TMEM269: variants seen among roughly 807,000 people sequenced by gnomAD.
TMEM269 encodes the protein transmembrane protein 269.
In TMEM269, 12 loss-of-function variants were observed where a neutral mutation model predicts 15.8. That is an observed-to-expected ratio of 0.76 (90% confidence interval 0.49 to 1.23). The LOEUF is 1.23. TMEM269 is among the 50% of genes most tolerant of loss of function. The probability of loss-of-function intolerance (pLI) is 0.00; values close to 1 mark genes in which losing one functional copy is unlikely to be tolerated. For missense variants in TMEM269, 211 were observed against 245.4 expected (o/e 0.86, Z 0.94); for synonymous variants, 93 against 99.3 (o/e 0.94, Z 0.38).
At chr1:42,789,511 CT>C (rs1479157598) in intron 1 of TMEM269, 1 of 1,534,580 alleles carries the variant, frequency 6.5e-7, no homozygotes, top group African/African-American at 1.4e-5. Flanking sequence ...GGAGGGATGT[CT>C]GTGCTGTGGG....
At chr1:42,785,908 C>G (rs376072975) in intron 1 of TMEM269, among the ~76,000 whole-genome samples, 9 of 152,344 alleles carry the variant, frequency 5.9e-5, no homozygotes, top group African/African-American at 2.2e-4. Context: ...TACACTTGTC[C>G]CTACACACAG....
rs776764951 is a variant in TMEM269, at chr1:42,798,265, G to A, written c.*40G>A. 18 of 1,539,550 alleles carry A rather than the reference G, an allele frequency of 1.2e-5. No individual in the cohort carries two copies. The African/African-American group carries it at 2.2e-4, about 19-fold the overall frequency. The stretch of plus-strand genomic sequence containing the variant: ...TCTACCAGCTCCTGCCGGCCTCTGT[G>A]GGGTTTGTGTCAGCATATTGGGTCA... On this transcript the variant is annotated 3_prime_UTR_variant, in exon 6 of 6. Coordinates refer to ENST00000637012, the MANE Select transcript of TMEM269 (RefSeq NM_001354602.2).
intron 5 of TMEM269, among the ~76,000 whole-genome samples, chr1:42,796,347 C>T (rs528868422): frequency 1.3e-5 from 2 of 152,218 alleles, no homozygotes; most frequent in East Asian, 3.9e-4. Flanking sequence ...GAGGAAACTG[C>T]ACCTTACAGA....
intron 4 of TMEM269, 70 bp downstream of exon 4, chr1:42,793,814 G>C (rs932367505): frequency 6.7e-6 from 10 of 1,484,326 alleles, no homozygotes; most frequent in Non-Finnish European, 9.0e-6. Context: ...TCGGGTGCCA[G>C]AAGCCTGGGG....
Position 42,794,460 on chromosome 1 carries a change from A to C in TMEM269, c.331A>C (p.Ile111Leu). Reference protein sequence around the residue: ...KGLPCPYASCILASTSLLTKG... With the variant: ...KGLPCPYASCLLASTSLLTKG... ...TCTACCCTGCCCCTATGCTTCCTGC[A>C]TCTTGGCTTCCACCTCCCTTCTGAC... Residue 111 changes from isoleucine (I) to leucine (L), a missense_variant, in exon 5 of 6, where the codon ATC becomes CTC. Transcript: ENST00000637012. The C allele has an allele frequency of 6.4e-7, 1 of 1,550,628 alleles. No homozygotes were observed. Among genetic ancestry groups the C allele is most frequent in the Non-Finnish European group, 8.7e-7 (1 of 1,147,008 alleles).
In TMEM269 at chr1:42,792,686, T is replaced by C. The variant is rs912455909; in HGVS notation, c.42-119T>C. On this transcript the variant is annotated intron_variant, in intron 2 of 5. Transcript: ENST00000637012. Reference sequence around the variant, plus strand: ...GAAGAGGTGTGTATGTGTGCAAGTGTGGGAGGTGTGTGGGAAGTATATTAG... The same window carrying C: ...GAAGAGGTGTGTATGTGTGCAAGTGCGGGAGGTGTGTGGGAAGTATATTAG... 7.4e-6 allele frequency: 5 copies of C among 675,958 alleles called. No homozygotes were observed. In the African/African-American group the frequency reaches 8.8e-5, roughly 12 times the overall value. The allele number at this position is 675,958 out of a possible 1,614,324, so 41.9% of individuals were successfully genotyped here.
At position 42,797,156 on chromosome 1, in the gene TMEM269, G is replaced by A. The variant is rs568746869; in HGVS notation, c.485-942G>A. 5.3e-5 allele frequency among the ~76,000 whole-genome samples: 8 copies of A among 152,214 alleles called. No homozygotes were observed. Among genetic ancestry groups the A allele is most frequent in the Non-Finnish European group, 7.4e-5 (5 of 68,018 alleles). On this transcript the variant is annotated intron_variant, in intron 5 of 5. Coordinates refer to ENST00000637012, the MANE Select transcript of TMEM269 (RefSeq NM_001354602.2). This position sits in a 1 kb window ranked among gnomAD's most constrained non-coding sequence, Gnocchi z 4.9. The stretch of plus-strand genomic sequence containing the variant: ...GAGTGCTCTTTTGCCTTTTGGTGGC[G>A]AATCTGAGATGCAAATTGTGTTGGG...
intron 3 of TMEM269, 127 bp downstream of exon 3, chr1:42,793,029 GAGC>G (rs746071943): frequency 3.5e-4 from 258 of 745,796 alleles, no homozygotes; most frequent in South Asian, 3.8e-4. Flanking sequence ...ACCCCGCTGA[GAGC>G]AGCAGCAGCA....
rs1173982535 is a variant in TMEM269, at chr1:42,797,493, C to G, written c.485-605C>G. 6.6e-6 allele frequency among the ~76,000 whole-genome samples: 1 copy of G among 152,270 alleles called. No individual in the cohort carries two copies. Among genetic ancestry groups the G allele is most frequent in the African/African-American group, 2.4e-5 (1 of 41,550 alleles). On this transcript the variant is annotated intron_variant, in intron 5 of 5. Coordinates refer to ENST00000637012, the MANE Select transcript of TMEM269 (RefSeq NM_001354602.2). The surrounding 1 kb of genome is among the most constrained non-coding windows in gnomAD (Gnocchi z 4.9). Reference sequence around the variant, plus strand: ...GTCAGCACCCTGTGCCTACCATGTACCAAAATTCCAGATTCCCAGAAGGAA... The same window carrying G: ...GTCAGCACCCTGTGCCTACCATGTAGCAAAATTCCAGATTCCCAGAAGGAA...
In TMEM269 at chr1:42,789,856, C is replaced by T. The variant is rs1364206529; in HGVS notation, c.-38C>T. The T allele has an allele frequency of 5.2e-6, 8 of 1,550,886 alleles. No homozygotes were observed. In the East Asian group the frequency reaches 2.0e-4, roughly 38 times the overall value. ...AGCCATTCCCAGATAAATGAGGTTT[C>T]CTGGAAGGATGTTACCAGTGCCTTA... On this transcript the variant is annotated 5_prime_UTR_variant, in exon 2 of 6. Coordinates refer to ENST00000637012, the MANE Select transcript of TMEM269 (RefSeq NM_001354602.2).
At chr1:42,794,815 A>G (rs1397779872) in intron 5 of TMEM269, among the ~76,000 whole-genome samples, 1 of 152,206 alleles carries the variant, frequency 6.6e-6, no homozygotes, top group African/African-American at 2.4e-5. Flanking sequence ...TATTCATGCT[A>G]TTAATATAAT....
intron 1 of TMEM269, among the ~76,000 whole-genome samples, chr1:42,789,047 TG>T (rs2124211862): frequency 6.6e-6 from 1 of 151,856 alleles, no homozygotes; most frequent in Non-Finnish European, 1.5e-5. Flanking sequence ...CTCAGCCTCC[TG>T]AGTAGCTGGG....
intron 2 of TMEM269, among the ~76,000 whole-genome samples, chr1:42,792,382 C>T (rs1227607154): frequency 1.3e-5 from 2 of 152,142 alleles, no homozygotes; most frequent in African/African-American, 4.8e-5. Flanking sequence ...GCACACACTC[C>T]TCATTTTACA....
At chr1:42,790,046 C>A in intron 2 of TMEM269, 112 bp downstream of exon 2, 2 of 789,886 alleles carry the variant, frequency 2.5e-6, no homozygotes. Context: ...CACAGTGTAC[C>A]CAGGGTAAGT....
At chr1:42,789,292 T>C (rs1232291610) in intron 1 of TMEM269, 1 of 665,860 alleles carries the variant, frequency 1.5e-6, no homozygotes, top group African/African-American at 1.8e-5. Context: ...CTGGGGCCTG[T>C]CAGAACCAGG....
chr1:42,789,726 A>C (rs898036762), intron 1 of TMEM269, 70 bp from the exon 2 acceptor site: 25 of 903,642 alleles, frequency 2.8e-5, no homozygotes, highest in Non-Finnish European at 3.7e-5. Flanking sequence ...CTAGTGGAAC[A>C]GGTCCCTGGG....
Position 42,789,817 on chromosome 1 carries a change from TGAGCCATGACCA to T in TMEM269, c.-69_-58del. 1 of 1,545,574 alleles carries T rather than the reference TGAGCCATGACCA, an allele frequency of 6.5e-7. No individual in the cohort carries two copies. Among genetic ancestry groups the T allele is most frequent in the African/African-American group, 1.4e-5 (1 of 73,070 alleles). On this transcript the variant is annotated 5_prime_UTR_variant, in exon 2 of 6. An upstream start codon of the reference 5' UTR is lost. Transcript: ENST00000637012. Reference sequence around the variant, plus strand: ...CCAGGTAAGGGTACCAGTTTCTTCCTGAGCCATGACCAGAGCCATTCCCAGATAAATGAGGTT... The same window carrying T: ...CCAGGTAAGGGTACCAGTTTCTTCCTGAGCCATTCCCAGATAAATGAGGTT...
intron 1 of TMEM269, among the ~76,000 whole-genome samples, chr1:42,787,328 C>T (rs888207119): frequency 2.6e-5 from 4 of 152,134 alleles, no homozygotes; most frequent in African/African-American, 4.8e-5. Context: ...TGGCCGGGCG[C>T]GGTGGCTCAC....
In TMEM269 at chr1:42,797,377, C is replaced by T. The variant is rs1653807052; in HGVS notation, c.485-721C>T. On this transcript the variant is annotated intron_variant, in intron 5 of 5. Transcript: ENST00000637012. The surrounding 1 kb of genome is among the most constrained non-coding windows in gnomAD (Gnocchi z 4.9). ...GTCACACGAGATGCACTTAATTCCT[C>T]AGCACTGAATTGTGATAATACAATA... 6.6e-6 allele frequency among the ~76,000 whole-genome samples: 1 copy of T among 152,170 alleles called. No homozygotes were observed. The highest frequency in any genetic ancestry group is 1.5e-5 in the Non-Finnish European group (1 of 68,034).
Sources: allele counts gnomAD v4.1 joint callset (sites outside exome capture counted in the v4.1 genomes callset), GRCh38; gene constraint gnomAD v4.1.1; non-coding constraint Gnocchi (gnomAD v3.1); transcripts MANE v1.5; gene names NCBI Gene and HGNC (gene_info 2026-07-23, HGNC 2026-07-21).